Variants in AXIN1 observed in about 807,000 individuals in gnomAD.
AXIN1 encodes axin-1.
A neutral mutation model predicts 76.4 loss-of-function variants in AXIN1; 30 were observed. The ratio of observed to expected loss-of-function variants is 0.39; its 90% CI spans 0.29 to 0.53. The LOEUF (loss-of-function observed/expected upper bound fraction) is 0.53, where lower values mean the gene tolerates loss of function less well. AXIN1 is among the 20% of genes least tolerant of loss of function. The pLI is 0.66. For synonymous variants in AXIN1, 545 were observed against 501.4 expected, an observed-to-expected ratio of 1.09 and a Z score of -1.16; for missense variants, 1,140 against 1,198.8, an observed-to-expected ratio of 0.95 and a Z score of 0.72.
At chr16:299,047 A>G (rs214248) in intron 5 of AXIN1, 397,516 of 983,568 alleles carry the variant, frequency 0.4, 82,492 homozygotes, top group African/African-American at 0.64. Flanking sequence ...GATGACAGGC[A>G]TGAGCCGCCG....
At chr16:334,603 C>T (rs2053765729) in intron 2 of AXIN1, among the ~76,000 whole-genome samples, 1 of 151,164 alleles carries the variant, frequency 6.6e-6, no homozygotes, top group Admixed American at 6.6e-5. Flanking sequence ...AGTACCATGG[C>T]ACACTGATAA....
chr16:299,597 C>T (rs558584926), intron 5 of AXIN1, among the ~76,000 whole-genome samples: 2 of 152,178 alleles, frequency 1.3e-5, no homozygotes, highest in South Asian at 2.1e-4. Context: ...TCAGGTAATC[C>T]ACCACCCTCG....
intron 4 of AXIN1, among the ~76,000 whole-genome samples, chr16:308,749 G>A (rs551829396): frequency 5.3e-5 from 8 of 152,098 alleles, no homozygotes; most frequent in East Asian, 1.9e-4. Context: ...ACGCACACAC[G>A]CACGCACCCA....
In AXIN1 at chr16:291,264, G is replaced by A. The variant is rs1457345627; in HGVS notation, c.2220C>T (p.Ala740=). 1 of 1,582,616 alleles carries A rather than the reference G, an allele frequency of 6.3e-7. No individual in the cohort carries two copies. The part of the protein sequence containing the change: ...YVQEVMRRGR[A]CVRPACAPVL... ...CCGGCGCGCACGCTGGCCTGACGCA[G>A]GCGCGTCCCCGCCGCATAACCTCCT... Residue 740 remains alanine, a synonymous_variant, in exon 9 of 11, where the codon GCC becomes GCT. Coordinates refer to ENST00000262320, the MANE Select transcript of AXIN1 (RefSeq NM_003502.4).
intron 1 of AXIN1, 76 bp from the exon 2 acceptor site, chr16:347,182 A>G (rs1293499738): frequency 7.6e-7 from 1 of 1,320,004 alleles, no homozygotes; most frequent in African/African-American, 1.4e-5. Flanking sequence ...TCTCAAGACA[A>G]GACTCACGAT....
intron 2 of AXIN1, among the ~76,000 whole-genome samples, chr16:329,712 C>T (rs2053655446): frequency 6.6e-6 from 1 of 152,166 alleles, no homozygotes; most frequent in Non-Finnish European, 1.5e-5. Flanking sequence ...CAAGCTCCGC[C>T]TCCCAGGTTC....
chr16:316,491 T>A (rs2053304634), intron 2 of AXIN1, among the ~76,000 whole-genome samples: 1 of 152,226 alleles, frequency 6.6e-6, no homozygotes, highest in African/African-American at 2.4e-5. Flanking sequence ...AGCCCCACAG[T>A]GTGCCCTGAG....
Position 296,943 on chromosome 16 carries a change from G to A in AXIN1, c.1955+113C>T, listed in dbSNP as rs558834575. The A allele has an allele frequency of 9.2e-6, 12 of 1,304,348 alleles. No individual in the cohort carries two copies. In the South Asian group the frequency reaches 9.5e-5, roughly 10 times the overall value. 80.8% of individuals were successfully genotyped at this position (1,304,348 alleles called of 1,614,324 possible). ...TGCCACAGTGACAGGGGAAGTGTGA[G>A]GCGTCACAGGCGACACTCGCCACAC... On this transcript the variant is annotated intron_variant, in intron 7 of 10. Coordinates refer to ENST00000262320, the MANE Select transcript of AXIN1 (RefSeq NM_003502.4).
chr16:345,322 C>T (rs553511081), intron 2 of AXIN1, among the ~76,000 whole-genome samples: 1 of 152,306 alleles, frequency 6.6e-6, no homozygotes, highest in African/African-American at 2.4e-5. Context: ...CCACTATAGC[C>T]ACAGGAAGTT....
intron 4 of AXIN1, among the ~76,000 whole-genome samples, chr16:305,312 A>T (rs2052989315): frequency 6.6e-6 from 1 of 152,056 alleles, no homozygotes; most frequent in Non-Finnish European, 1.5e-5. Flanking sequence ...CTACAAACAA[A>T]AATTTTTTTT....
At chr16:312,970 C>T (rs1050520278) in intron 3 of AXIN1, among the ~76,000 whole-genome samples, 20 of 151,838 alleles carry the variant, frequency 1.3e-4, no homozygotes, top group Admixed American at 7.2e-4. Flanking sequence ...GTGCAGTTTG[C>T]GCCCAGGAGT....
At chr16:308,827 C>T (rs532529320) in intron 4 of AXIN1, among the ~76,000 whole-genome samples, 58 of 152,330 alleles carry the variant, frequency 3.8e-4, no homozygotes, top group African/African-American at 1.4e-3. Flanking sequence ...TTAGCCAAAC[C>T]TGAGTCAAGG....
intron 2 of AXIN1, among the ~76,000 whole-genome samples, chr16:335,471 C>T (rs2053783891): frequency 6.6e-6 from 1 of 151,610 alleles, no homozygotes; most frequent in African/African-American, 2.4e-5. Flanking sequence ...CACAGCACAC[C>T]AATAACATAG....
chr16:343,099 C>T (rs952233167), intron 2 of AXIN1, among the ~76,000 whole-genome samples: 1 of 152,184 alleles, frequency 6.6e-6, no homozygotes, highest in Non-Finnish European at 1.5e-5. Flanking sequence ...AGGATTCAAC[C>T]GCAGACACGA....
intron 2 of AXIN1, among the ~76,000 whole-genome samples, chr16:319,238 T>C (rs773986716): frequency 2.0e-5 from 3 of 151,664 alleles, no homozygotes; most frequent in Non-Finnish European, 4.4e-5. Flanking sequence ...CTTGGGAGGG[T>C]AAGGCAGGAG....
At chr16:288,432 G>A in intron 10 of AXIN1, 184 bp from the exon 11 acceptor site, 1 of 861,662 alleles carries the variant, frequency 1.2e-6, no homozygotes, top group South Asian at 1.6e-5. Context: ...ACATGTGGGT[G>A]AAGTGGGCAG....
chr16:289,140 G>T (rs1164840795), intron 10 of AXIN1, among the ~76,000 whole-genome samples: 1 of 151,676 alleles, frequency 6.6e-6, no homozygotes, highest in African/African-American at 2.4e-5. Context: ...CCAGGCTGGA[G>T]AGCAGTGGCG....
At chr16:304,862 C>G (rs1479155413) in intron 4 of AXIN1, among the ~76,000 whole-genome samples, 1 of 152,214 alleles carries the variant, frequency 6.6e-6, no homozygotes, top group Non-Finnish European at 1.5e-5. Flanking sequence ...CAAGAGTTTA[C>G]TTTTTCCTCC....
chr16:326,907 G>A (rs1464896639), intron 2 of AXIN1, among the ~76,000 whole-genome samples: 3 of 151,706 alleles, frequency 2.0e-5, no homozygotes, highest in East Asian at 2.0e-4. Flanking sequence ...TTGGGAGGCC[G>A]AGGCGGGGGG....
Sources: gnomAD v4.1 joint callset for allele counts (sites outside exome capture counted in the v4.1 genomes callset) on GRCh38, gnomAD v4.1.1 for gene constraint, MANE v1.5 for transcripts, NCBI Gene and HGNC (gene_info 2026-07-23, HGNC 2026-07-21) for gene names.